LDB2: variants seen among roughly 807,000 people sequenced by gnomAD.
LDB2 encodes LIM domain binding 2.
Under a neutral mutation model 44.3 loss-of-function variants are expected in LDB2, and 12 were observed. The observed-to-expected ratio is 0.27, with a 90% CI of 0.17 to 0.44. LDB2 has a LOEUF of 0.44. LDB2 is among the 20% of genes least tolerant of loss of function. The pLI is 1.00. For missense variants in LDB2, 344 were observed against 473.5 expected, an observed-to-expected ratio of 0.73 and a Z score of 2.54; for synonymous variants, 164 against 174.8, an observed-to-expected ratio of 0.94 and a Z score of 0.49.
At chr4:16,590,773 G>C (rs1400017403) in intron 3 of LDB2, among the ~76,000 whole-genome samples, 1 of 152,202 alleles carries the variant, frequency 6.6e-6, no homozygotes, top group Non-Finnish European at 1.5e-5. Context: ...TGGGCACATT[G>C]CCTCAAAACC....
intron 2 of LDB2, among the ~76,000 whole-genome samples, chr4:16,620,046 C>T (rs1416849980): frequency 2.6e-5 from 4 of 152,132 alleles, no homozygotes; most frequent in Non-Finnish European, 5.9e-5. Context: ...AGCATGCTTT[C>T]TCCGTCTGAG....
chr4:16,789,983 A>C (rs1775355621), intron 1 of LDB2, among the ~76,000 whole-genome samples: 1 of 152,154 alleles, frequency 6.6e-6, no homozygotes, highest in East Asian at 1.9e-4. Flanking sequence ...GGTTATCCCC[A>C]TTCTATAGAC....
intron 1 of LDB2, among the ~76,000 whole-genome samples, chr4:16,801,575 C>T (rs936998711): frequency 1.3e-5 from 2 of 152,134 alleles, no homozygotes; most frequent in Non-Finnish European, 2.9e-5. Context: ...CCATCTCCCC[C>T]AAGTACTGAT....
chr4:16,710,133 T>C (rs971004773), intron 2 of LDB2, among the ~76,000 whole-genome samples: 28 of 152,172 alleles, frequency 1.8e-4, no homozygotes, highest in African/African-American at 6.8e-4. Flanking sequence ...GAGTTTAAAG[T>C]GGAGACTGAT....
intron 2 of LDB2, among the ~76,000 whole-genome samples, chr4:16,704,738 T>A (rs557839982): frequency 6.6e-6 from 1 of 152,344 alleles, no homozygotes; most frequent in South Asian, 2.1e-4. Context: ...GCTATGTGTG[T>A]TCTCTATGGT....
At chr4:16,752,044 A>T (rs1765592812) in intron 2 of LDB2, among the ~76,000 whole-genome samples, 1 of 152,238 alleles carries the variant, frequency 6.6e-6, no homozygotes, top group East Asian at 1.9e-4. Flanking sequence ...CCCCATGCGA[A>T]TAAATGCATG....
intron 2 of LDB2, among the ~76,000 whole-genome samples, chr4:16,656,318 C>A (rs1251868019): frequency 6.6e-6 from 1 of 152,168 alleles, no homozygotes. Flanking sequence ...CTGAGTACCA[C>A]AGAGTAGAAA....
chr4:16,850,159 C>T (rs1262481546), intron 1 of LDB2, among the ~76,000 whole-genome samples: 3 of 152,026 alleles, frequency 2.0e-5, no homozygotes, highest in Admixed American at 1.3e-4. Flanking sequence ...AGGAGAAAGT[C>T]GGCGGCGCTT....
intron 2 of LDB2, among the ~76,000 whole-genome samples, chr4:16,712,642 G>A (rs1291757628): frequency 2.0e-5 from 3 of 152,136 alleles, no homozygotes; most frequent in Non-Finnish European, 2.9e-5. Context: ...CTAGGGAACT[G>A]CAAATCAAAA....
chr4:16,592,918 C>T (rs1719632307), intron 3 of LDB2, among the ~76,000 whole-genome samples: 1 of 152,072 alleles, frequency 6.6e-6, no homozygotes, highest in Admixed American at 6.6e-5. Flanking sequence ...TTCTGAAAAC[C>T]TTGATGTCTG....
chr4:16,791,941 A>G (rs1193428692), intron 1 of LDB2, among the ~76,000 whole-genome samples: 1 of 152,106 alleles, frequency 6.6e-6, no homozygotes, highest in African/African-American at 2.4e-5. Context: ...TGAAGCTCCA[A>G]ACATTTTTTT....
intron 2 of LDB2, among the ~76,000 whole-genome samples, chr4:16,734,311 T>C (rs2108947121): frequency 6.6e-6 from 1 of 152,314 alleles, no homozygotes; most frequent in East Asian, 1.9e-4. Flanking sequence ...TTAATCCTGT[T>C]GATTAAGTAA....
intron 5 of LDB2, among the ~76,000 whole-genome samples, chr4:16,573,657 G>A (rs1272745421): frequency 6.6e-6 from 1 of 152,216 alleles, no homozygotes; most frequent in Non-Finnish European, 1.5e-5. Flanking sequence ...GGCATTGAGT[G>A]AGGCATAGGA....
intron 1 of LDB2, among the ~76,000 whole-genome samples, chr4:16,790,053 T>G (rs1372479029): frequency 6.6e-6 from 1 of 152,182 alleles, no homozygotes; most frequent in South Asian, 2.1e-4. Context: ...GTAGGTGACT[T>G]TTAATGCCAT....
intron 2 of LDB2, among the ~76,000 whole-genome samples, chr4:16,612,881 CG>C (rs1726085562): frequency 6.6e-6 from 1 of 152,108 alleles, no homozygotes; most frequent in African/African-American, 2.4e-5. Context: ...ATACCCAAAC[CG>C]GGAAGAGACA....
At chr4:16,781,942 G>A (rs1457540010) in intron 1 of LDB2, among the ~76,000 whole-genome samples, 2 of 152,128 alleles carry the variant, frequency 1.3e-5, no homozygotes, top group Admixed American at 1.3e-4. Flanking sequence ...AAACACATGG[G>A]ACAGATTCTT....
In LDB2 at chr4:16,582,883, C is replaced by G. The variant is rs1201390625; in HGVS notation, c.615+3039G>C. ...CCTCTAACCTTGTCATGCTGGGATG[C>G]GACAGGAGGGAACGACAAGAGGGAA... is the stretch of plus-strand genomic sequence containing the variant. On this transcript the variant is annotated intron_variant, in intron 5 of 7. Transcript: ENST00000304523. This position sits in a 1 kb window ranked among gnomAD's most constrained non-coding sequence, Gnocchi z 4.8. 6.6e-6 allele frequency among the ~76,000 whole-genome samples: 1 copy of G among 152,046 alleles called. No homozygotes were observed. Among genetic ancestry groups the G allele is most frequent in the South Asian group, 2.1e-4 (1 of 4,818 alleles).
intron 2 of LDB2, among the ~76,000 whole-genome samples, chr4:16,652,935 G>A (rs975006770): frequency 2.0e-5 from 3 of 152,162 alleles, no homozygotes; most frequent in African/African-American, 7.2e-5. Flanking sequence ...TGCCTCTCAA[G>A]TAATGTGTAT....
intron 2 of LDB2, among the ~76,000 whole-genome samples, chr4:16,621,927 A>G (rs1185734266): frequency 1.3e-5 from 2 of 152,240 alleles, no homozygotes; most frequent in Admixed American, 1.3e-4. Flanking sequence ...ATTAAAAACC[A>G]TATTTCAACA....
Sources: allele counts gnomAD v4.1 joint callset (sites outside exome capture counted in the v4.1 genomes callset), GRCh38; gene constraint gnomAD v4.1.1; non-coding constraint Gnocchi (gnomAD v3.1); transcripts MANE v1.5; gene names NCBI Gene and HGNC (gene_info 2026-07-23, HGNC 2026-07-21).